FNBP4: variants seen among roughly 807,000 people sequenced by gnomAD.
FNBP4 encodes the protein formin-binding protein 4.
In FNBP4, 34 loss-of-function variants were observed where a neutral mutation model predicts 119.3. The observed-to-expected ratio is 0.28, with a 90% CI of 0.22 to 0.38. FNBP4 has a LOEUF of 0.38. Ranked by LOEUF, FNBP4 falls within the 10% of genes least tolerant of loss-of-function variation. The probability of loss-of-function intolerance (pLI) is 1.00; values close to 1 mark genes in which losing one functional copy is unlikely to be tolerated. For missense variants in FNBP4, 1,112 were observed against 1,228.9 expected, an observed-to-expected ratio of 0.90 and a Z score of 1.42; for synonymous variants, 462 against 430.6, an observed-to-expected ratio of 1.07 and a Z score of -0.90.
Position 47,746,141 on chromosome 11 carries a change from A to G in FNBP4, c.1160T>C (p.Leu387Pro). 6.2e-7 allele frequency: 1 copy of G among 1,614,142 alleles called. No individual in the cohort carries two copies. Among genetic ancestry groups the G allele is most frequent in the Non-Finnish European group, 8.5e-7 (1 of 1,180,012 alleles). Residue 387 changes from leucine (L) to proline (P), a missense_variant, in exon 7 of 17, where the codon CTT becomes CCT. Leu to Pro is a moderately conservative substitution (Grantham distance 98, BLOSUM62 -3). Transcript: ENST00000263773. ...TTCTCCAGATTGGACAACACTGCAA[A>G]GATCCTCCTGAGAAGGGTCTTCTAT... is the stretch of plus-strand genomic sequence containing the variant. ...DNIEDPSQED[L>P]CSVVQSGESE... is the part of the protein sequence containing the mutation.
chr11:47,734,196 T>C, intron 9 of FNBP4, 67 bp from the exon 10 acceptor site: 1 of 848,132 alleles, frequency 1.2e-6, no homozygotes, highest in Non-Finnish European at 1.8e-6. Flanking sequence ...TGTACAATCC[T>C]TCATTTATTC....
rs1441892323 is a variant in FNBP4 at position 47,734,121 on chromosome 11, A to G, written c.1590T>C (p.Ile530=). Residue 530 remains isoleucine (I), a synonymous_variant, in exon 10 of 17, where the codon ATT becomes ATC. Transcript: ENST00000263773. ...VEEEQDLKFQ[I]GELANTLTSK... Reference sequence around the variant, plus strand: ...TTGTCAGGGTATTTGCCAGTTCTCCAATCTGAAACTACAATGCAAAAAAGA... The same window carrying G: ...TTGTCAGGGTATTTGCCAGTTCTCCGATCTGAAACTACAATGCAAAAAAGA... 2.5e-6 allele frequency: 4 copies of G among 1,575,322 alleles called. No homozygotes were observed. In the Admixed American group the frequency reaches 6.2e-5, roughly 24 times the overall value.
At chr11:47,735,875 C>T (rs980281759) in intron 9 of FNBP4, among the ~76,000 whole-genome samples, 1 of 150,612 alleles carries the variant, frequency 6.6e-6, no homozygotes, top group African/African-American at 2.4e-5. Flanking sequence ...GTCAGGAGAT[C>T]GAGACCATCC....
At chr11:47,764,052 G>C (rs1216539971) in intron 2 of FNBP4, among the ~76,000 whole-genome samples, 1 of 152,140 alleles carries the variant, frequency 6.6e-6, no homozygotes, top group Non-Finnish European at 1.5e-5. Flanking sequence ...GACATCACGA[G>C]AGGACATTCA....
chr11:47,744,014 T>C lies in FNBP4; in HGVS notation c.1395A>G (p.Pro465=), dbSNP rs1365257953. ...KWKMFVRATS[P]ESTSRSSSKT... is the part of the protein sequence containing the mutation. ...TACTAGAACTCCTACTGGTAGATTC[T>C]GGACTGGTAGCTCGAACAAACATCT... The change falls in exon 8 of 17, where the codon CCA becomes CCG. Residue 465 remains proline (P), a synonymous_variant. Coordinates refer to ENST00000263773, the MANE Select transcript of FNBP4 (RefSeq NM_015308.5). The C allele has an allele frequency of 6.2e-7, 1 of 1,614,222 alleles. No individual in the cohort carries two copies.
intron 12 of FNBP4, chr11:47,726,114 G>C (rs2097560642): frequency 6.6e-6 from 1 of 152,132 alleles, no homozygotes; most frequent in Non-Finnish European, 1.5e-5. Flanking sequence ...GAAGTCACCT[G>C]TTAAATTTCA....
intron 8 of FNBP4, among the ~76,000 whole-genome samples, chr11:47,742,699 C>T (rs545407148): frequency 2.0e-5 from 3 of 151,452 alleles, no homozygotes; most frequent in Admixed American, 2.0e-4. Context: ...ACCAGCCTTG[C>T]CAACATGGTG....
chr11:47,753,119 G>GT lies in FNBP4; in HGVS notation c.451-18dup. The GT allele has an allele frequency of 1.9e-6, 3 of 1,573,426 alleles. No homozygotes were observed. The highest frequency in any genetic ancestry group is 2.6e-6 in the Non-Finnish European group (3 of 1,163,970). On this transcript the variant is annotated splice_polypyrimidine_tract_variant and intron_variant, in intron 3 of 16. Coordinates refer to ENST00000263773, the MANE Select transcript of FNBP4 (RefSeq NM_015308.5). ...ATCGATCTCCTTCAGTATGAAAAGA[G>GT]TAACAAATGCAGTAATTATATCAAA...
intron 8 of FNBP4, among the ~76,000 whole-genome samples, chr11:47,743,589 G>C (rs12284831): frequency 6.6e-6 from 1 of 152,130 alleles, no homozygotes; most frequent in Non-Finnish European, 1.5e-5. Context: ...GGAGCTCTTC[G>C]ACCTTACCAT....
chr11:47,736,613 T>C lies in FNBP4; in HGVS notation c.1581+3A>G, dbSNP rs1367384317. 2 of 1,582,728 alleles carry C rather than the reference T, an allele frequency of 1.3e-6. No homozygotes were observed. The highest frequency in any genetic ancestry group is 1.4e-5 in the African/African-American group (1 of 73,330). On this transcript the variant is annotated splice_donor_region_variant and intron_variant, in intron 9 of 16. Coordinates refer to ENST00000263773, the MANE Select transcript of FNBP4 (RefSeq NM_015308.5). ...GTCAAGTTGCATTAAGTAATATACA[T>C]ACTTTCAAATCCTGTTCTTCTTCTA...
intron 12 of FNBP4, chr11:47,729,772 C>G: frequency 1.0e-6 from 1 of 985,428 alleles, no homozygotes; most frequent in Non-Finnish European, 1.2e-6. Flanking sequence ...CACCACTGAG[C>G]TGATTAAGAG....
rs556833376 is a variant in FNBP4, at chr11:47,720,722, C to T, written c.2806-636G>A. Among the ~76,000 whole-genome samples the T allele has an allele frequency of 6.2e-4, 93 of 150,108 alleles. 1 individual carries two copies. Among genetic ancestry groups the T allele is most frequent in the South Asian group, 1.7e-3 (8 of 4,780 alleles). ...TCGCGTCTCAGAATTACAGTGTTCCCGTTTTCAAATTTTAAATAGATGCAG... is the reference window on the plus strand; with the variant it reads ...TCGCGTCTCAGAATTACAGTGTTCCTGTTTTCAAATTTTAAATAGATGCAG... On this transcript the variant is annotated intron_variant, in intron 15 of 16. Transcript: ENST00000263773.
At chr11:47,755,794 CCAAAAAAAAAACAAAAA>C (rs2097616223) in intron 2 of FNBP4, among the ~76,000 whole-genome samples, 1 of 149,940 alleles carries the variant, frequency 6.7e-6, no homozygotes, top group African/African-American at 2.5e-5. Context: ...GACCATGTCT[CCAAAAAAAAAACAAAAA>C]CAAAAAAAAT....
chr11:47,745,655 C>T (rs2097588853), intron 7 of FNBP4, among the ~76,000 whole-genome samples: 1 of 152,120 alleles, frequency 6.6e-6, no homozygotes, highest in African/African-American at 2.4e-5. Flanking sequence ...TGTTCTTACA[C>T]CTCCTCCCCT....
intron 2 of FNBP4, among the ~76,000 whole-genome samples, chr11:47,761,809 A>C (rs2135281836): frequency 6.6e-6 from 1 of 152,194 alleles, no homozygotes; most frequent in South Asian, 2.1e-4. Flanking sequence ...ACTGACCTAT[A>C]AGCAGGTACT....
At chr11:47,718,047 GCCCGGCCTTATTTATTTTATATAAATA>G (rs1228270229) in intron 16 of FNBP4, among the ~76,000 whole-genome samples, 2 of 151,846 alleles carry the variant, frequency 1.3e-5, no homozygotes, top group African/African-American at 4.8e-5. Context: ...GAGCCACCGT[GCCCGGCCTTATTTATTTTATATAAATA>G]TACCTCCAAT....
At chr11:47,749,469 T>C (rs763198830) in intron 6 of FNBP4, among the ~76,000 whole-genome samples, 22 of 151,978 alleles carry the variant, frequency 1.4e-4, no homozygotes, top group Non-Finnish European at 2.6e-4. Context: ...TGAGGCAGAA[T>C]TGCTTGAAAC....
chr11:47,738,153 T>G (rs1188131579), intron 8 of FNBP4, among the ~76,000 whole-genome samples: 2 of 152,202 alleles, frequency 1.3e-5, no homozygotes, highest in African/African-American at 4.8e-5. Context: ...AATGGGAATC[T>G]CCAAAAGAGA....
chr11:47,746,502 A>T (rs1482428773), intron 6 of FNBP4, 108 bp from the exon 7 acceptor site: 2 of 1,053,554 alleles, frequency 1.9e-6, no homozygotes, highest in African/African-American at 3.2e-5. Context: ...GTAGCTGAAT[A>T]CTCAAGGTAA....
Sources: allele counts gnomAD v4.1 joint callset (sites outside exome capture counted in the v4.1 genomes callset), GRCh38; gene constraint gnomAD v4.1.1; transcripts MANE v1.5; gene names NCBI Gene and HGNC (gene_info 2026-07-23, HGNC 2026-07-21).